The following PRORP variants were observed in gnomAD, a reference collection of about 807,000 sequenced individuals.
The protein encoded by PRORP is mitochondrial ribonuclease P catalytic subunit.
A neutral mutation model predicts 59.4 loss-of-function variants in PRORP; 51 were observed. The observed-to-expected ratio is 0.86, with a 90% CI of 0.69 to 1.08. The LOEUF (loss-of-function observed/expected upper bound fraction) is 1.08, where lower values mean the gene tolerates loss of function less well. PRORP is among the 50% of genes least tolerant of loss of function. The pLI is 0.00. For missense variants in PRORP, 646 were observed against 690.3 expected (o/e 0.94, Z 0.72); for synonymous variants, 231 against 245.6 (o/e 0.94, Z 0.55).
Position 35,276,626 on chromosome 14 carries a change from C to T in PRORP, c.*3060C>T, listed in dbSNP as rs1359762809. 6.6e-6 allele frequency: 1 copy of T among 151,744 alleles called. No individual in the cohort carries two copies. Among genetic ancestry groups the T allele is most frequent in the Non-Finnish European group, 1.5e-5 (1 of 67,986 alleles). 9.4% of individuals were successfully genotyped at this position (151,744 alleles called of 1,614,324 possible). The stretch of plus-strand genomic sequence containing the variant: ...TTAGGCTGCCCATTTGTGTTCTGAT[C>T]ATTTGAGTGAAAAAAAGGTACCTGT... On this transcript the variant is annotated 3_prime_UTR_variant, in exon 8 of 8. Transcript: ENST00000534898.
At chr14:35,213,970 A>G (rs2049519582) in intron 5 of PRORP, among the ~76,000 whole-genome samples, 1 of 152,262 alleles carries the variant, frequency 6.6e-6, no homozygotes, top group African/African-American at 2.4e-5. Context: ...AAAAATGAAT[A>G]TCTGTAAAGT....
At chr14:35,122,102 C>T (rs768546816), upstream of PRORP, 102 of 784,106 alleles carry the variant, frequency 1.3e-4, 1 homozygote, top group Non-Finnish European at 1.8e-4. Context: ...GAAGTCTTGG[C>T]TAAAGAGGCA....
chr14:35,219,342 G>C (rs1227812098), intron 5 of PRORP: 1 of 152,214 alleles, frequency 6.6e-6, no homozygotes, highest in Admixed American at 6.5e-5. Flanking sequence ...CCCACCTCAG[G>C]GTGGGGCCTT....
At chr14:35,173,281 A>G (rs1022613968) in intron 4 of PRORP, among the ~76,000 whole-genome samples, 1 of 152,204 alleles carries the variant, frequency 6.6e-6, no homozygotes, top group African/African-American at 2.4e-5. Context: ...GACACATTGC[A>G]GAGGCTTTAG....
At chr14:35,241,363 G>A (rs2050362905) in intron 5 of PRORP, among the ~76,000 whole-genome samples, 1 of 151,000 alleles carries the variant, frequency 6.6e-6, no homozygotes, top group Admixed American at 6.6e-5. Context: ...GGGTGACAGA[G>A]GGAGACTCCG....
chr14:35,214,075 A>G (rs1216374384), intron 5 of PRORP, among the ~76,000 whole-genome samples: 1 of 152,236 alleles, frequency 6.6e-6, no homozygotes, highest in African/African-American at 2.4e-5. Flanking sequence ...GATAAAAGCC[A>G]CACATTCTTT....
At position 35,274,831 on chromosome 14, in the gene PRORP, A is replaced by G. The variant is rs192859893; in HGVS notation, c.*1265A>G. 3 of 152,290 alleles carry G rather than the reference A, an allele frequency of 2.0e-5. No homozygotes were observed. The highest frequency in any genetic ancestry group is 3.9e-4 in the East Asian group (2 of 5,188). 9.4% of individuals were successfully genotyped at this position (152,290 alleles called of 1,614,324 possible). On this transcript the variant is annotated 3_prime_UTR_variant, in exon 8 of 8. Transcript: ENST00000534898. ...TTCTAAAATATGCCAATTTTTTTCC[A>G]CTTAATCAAGTTTGACTTAATTTAA... is the stretch of plus-strand genomic sequence containing the variant.
chr14:35,262,952 G>C, intron 5 of PRORP: 1 of 1,597,962 alleles, frequency 6.3e-7, no homozygotes, highest in Non-Finnish European at 8.5e-7. Flanking sequence ...AGCAAGCCAC[G>C]ACAGTTAAAA....
At chr14:35,263,042 A>C (rs775030338) in intron 5 of PRORP, 151 of 1,555,592 alleles carry the variant, frequency 9.7e-5, no homozygotes, top group Non-Finnish European at 1.2e-4. Context: ...AATAAGATCT[A>C]AGAGTTGTCC....
In PRORP at chr14:35,192,811, C is replaced by T. The variant is rs374547426; in HGVS notation, c.1275+12034C>T. Among the ~76,000 whole-genome samples, 84 of 151,908 alleles carry T rather than the reference C, an allele frequency of 5.5e-4. No individual in the cohort carries two copies. In the South Asian group the frequency reaches 7.5e-3, roughly 14 times the overall value. On this transcript the variant is annotated intron_variant, in intron 5 of 7. Coordinates refer to ENST00000534898, the MANE Select transcript of PRORP (RefSeq NM_014672.4). ...GCGTTCAAGACCAGCCTGACCAACA[C>T]GGCGAAACCCTGTCTCTACTAAAAA...
At chr14:35,237,084 TTCTCTCTC>T (rs34987600) in intron 5 of PRORP, among the ~76,000 whole-genome samples, 1 of 138,002 alleles carries the variant, frequency 7.2e-6, no homozygotes, top group Non-Finnish European at 1.6e-5. Flanking sequence ...CCTTCCTTCC[TTCTCTCTC>T]TCTCTCTCTT....
At position 35,123,239 on chromosome 14, in the gene PRORP, C is replaced by G. The variant is rs201656808; in HGVS notation, c.-7C>G. The G allele has an allele frequency of 1.8e-3, 2,882 of 1,602,300 alleles. 13 individuals are homozygous for G. Among genetic ancestry groups the G allele is most frequent in the South Asian group, 7.8e-3 (711 of 90,922 alleles). ...CTCTCACTATCTGGTGCTGATCTCA[C>G]TGCATAATGACTTTCTATTTGTTTG... is the stretch of plus-strand genomic sequence containing the variant. On this transcript the variant is annotated 5_prime_UTR_variant, in exon 2 of 8. Coordinates refer to ENST00000534898, the MANE Select transcript of PRORP (RefSeq NM_014672.4).
intron 5 of PRORP, among the ~76,000 whole-genome samples, chr14:35,189,968 G>T (rs776386392): frequency 6.6e-6 from 1 of 151,740 alleles, no homozygotes; most frequent in Non-Finnish European, 1.5e-5. Context: ...AATTAGCTGG[G>T]TGTGGTGGCA....
intron 5 of PRORP, among the ~76,000 whole-genome samples, chr14:35,199,328 C>T (rs1021027726): frequency 4.3e-5 from 6 of 138,702 alleles, no homozygotes; most frequent in Non-Finnish European, 9.3e-5. Context: ...AGTGAGACTC[C>T]ATCTAAAAAA....
At chr14:35,186,032 G>A (rs1460117738) in intron 5 of PRORP, among the ~76,000 whole-genome samples, 1 of 152,084 alleles carries the variant, frequency 6.6e-6, no homozygotes, top group Non-Finnish European at 1.5e-5. Flanking sequence ...GAGGAAGTAT[G>A]ATTACAAGAT....
In PRORP at chr14:35,138,810, A is replaced by T. The variant is rs902708304; in HGVS notation, c.1167+11199A>T. ...CTAAAGATATTGATTTTTTTTTTTT[A>T]GACGGAGTCTCCCTCTGTCGCTCAG... is the stretch of plus-strand genomic sequence containing the variant. On this transcript the variant is annotated intron_variant, in intron 4 of 7. Coordinates refer to ENST00000534898, the MANE Select transcript of PRORP (RefSeq NM_014672.4). 2.5e-4 allele frequency among the ~76,000 whole-genome samples: 34 copies of T among 134,104 alleles called. 1 individual carries two copies. The highest frequency in any genetic ancestry group is 7.8e-4 in the African/African-American group (30 of 38,532). The allele number at this position is 134,104 out of a possible 152,430, so 88.0% of individuals were successfully genotyped here. A position where few individuals can be genotyped will look rare whatever the true frequency, so the allele number is the denominator to read the frequency against.
Position 35,266,778 on chromosome 14 carries a change from C to G in PRORP, c.1327C>G (p.Leu443Val). 1 of 1,614,090 alleles carries G rather than the reference C, an allele frequency of 6.2e-7. No homozygotes were observed. The highest frequency in any genetic ancestry group is 1.1e-5 in the South Asian group (1 of 91,088). Reference protein sequence around the residue: ...LAKRNLRLLVLGRKHMLRRSS... With the variant: ...LAKRNLRLLVVGRKHMLRRSS... ...CAAACGGAATCTGCGACTGCTGGTC[C>G]TAGGCCGGAAGCACATGCTAAGACG... The change falls in exon 6 of 8, where the codon CTA becomes GTA. Residue 443 changes from leucine (L) to valine (V), a missense_variant. By Grantham distance (32) the Leu-to-Val change is conservative. Transcript: ENST00000534898.
chr14:35,223,365 A>G (rs1291536928), intron 5 of PRORP, among the ~76,000 whole-genome samples: 1 of 152,026 alleles, frequency 6.6e-6, no homozygotes, highest in East Asian at 1.9e-4. Context: ...CAAGAGTATC[A>G]CTAGAATAGA....
At chr14:35,185,965 A>T (rs531249190) in intron 5 of PRORP, among the ~76,000 whole-genome samples, 10 of 152,134 alleles carry the variant, frequency 6.6e-5, no homozygotes, top group Non-Finnish European at 1.2e-4. Flanking sequence ...TTTTTGCTTA[A>T]AAGTTATTTA....
Sources: gnomAD v4.1 joint callset for allele counts (sites outside exome capture counted in the v4.1 genomes callset) on GRCh38, gnomAD v4.1.1 for gene constraint, MANE v1.5 for transcripts, NCBI Gene and HGNC (gene_info 2026-07-23, HGNC 2026-07-21) for gene names.